XIRP2: variants seen among roughly 807,000 people sequenced by gnomAD.
XIRP2 encodes the protein xin actin-binding repeat-containing protein 2.
XIRP2 carries 236 observed loss-of-function variants against 277.0 expected under a neutral mutation model. That is an observed-to-expected ratio of 0.85 (90% CI 0.77 to 0.95). The LOEUF (loss-of-function observed/expected upper bound fraction) is 0.95. XIRP2 is among the 40% of genes least tolerant of loss of function. The probability of loss-of-function intolerance (pLI) is 0.00; values close to 1 mark genes in which losing one functional copy is unlikely to be tolerated. For synonymous variants in XIRP2, 1,490 were observed against 1,416.5 expected, an observed-to-expected ratio of 1.05 and a Z score of -1.17; for missense variants, 4,640 against 4,157.5, an observed-to-expected ratio of 1.12 and a Z score of -3.19.
At chr2:167,020,894 T>C (rs749045851) in intron 2 of XIRP2, among the ~76,000 whole-genome samples, 43 of 152,086 alleles carry the variant, frequency 2.8e-4, no homozygotes, top group African/African-American at 9.4e-4. Flanking sequence ...AAAGTCTTAC[T>C]TATTTCAAAA....
At chr2:166,903,934 C>T (rs1231028808) in intron 2 of XIRP2, 44 bp downstream of exon 2, 4 of 1,563,760 alleles carry the variant, frequency 2.6e-6, no homozygotes, top group African/African-American at 1.4e-5. Context: ...ATATGACTTC[C>T]TTGCCTAGCC....
intron 2 of XIRP2, among the ~76,000 whole-genome samples, chr2:167,023,481 T>C (rs556288571): frequency 1.3e-5 from 2 of 152,150 alleles, no homozygotes; most frequent in South Asian, 2.1e-4. Context: ...TTGTCAATTT[T>C]GTCTTTTGTT....
At chr2:167,214,938 G>A (rs1694199648) in intron 4 of XIRP2, among the ~76,000 whole-genome samples, 1 of 152,078 alleles carries the variant, frequency 6.6e-6, no homozygotes. Context: ...ATCTTTTTGT[G>A]AAAATGCATT....
intron 3 of XIRP2, among the ~76,000 whole-genome samples, chr2:167,180,159 T>A (rs1221494316): frequency 1.3e-5 from 2 of 152,210 alleles, no homozygotes; most frequent in Non-Finnish European, 2.9e-5. Context: ...ATTCATTACT[T>A]TTTAATCTTT....
intron 2 of XIRP2, among the ~76,000 whole-genome samples, chr2:167,020,529 T>C (rs1185165661): frequency 6.6e-6 from 1 of 152,012 alleles, no homozygotes; most frequent in East Asian, 1.9e-4. Flanking sequence ...TATCAAACTC[T>C]TCTATTCGTA....
At position 167,258,821 on chromosome 2, in the gene XIRP2, T is replaced by C; in HGVS notation, c.*1004T>C. ...GAAGTTAGAAAATACATCTAGAATC[T>C]CAGAGTTACTTGGTATATTTGAATC... On this transcript the variant is annotated 3_prime_UTR_variant, in exon 11 of 11. Coordinates refer to ENST00000409195, the MANE Select transcript of XIRP2 (RefSeq NM_152381.6). 1 of 1,613,140 alleles carries C rather than the reference T, an allele frequency of 6.2e-7. No individual in the cohort carries two copies. Among genetic ancestry groups the C allele is most frequent in the African/African-American group, 1.3e-5 (1 of 74,970 alleles).
intron 2 of XIRP2, among the ~76,000 whole-genome samples, chr2:167,072,778 G>C (rs1053403444): frequency 3.3e-5 from 5 of 152,150 alleles, no homozygotes; most frequent in Admixed American, 6.6e-5. Context: ...GTTTACATTA[G>C]ATTTTGCTAA....
At chr2:166,920,599 C>T (rs565250806) in intron 2 of XIRP2, among the ~76,000 whole-genome samples, 1 of 152,206 alleles carries the variant, frequency 6.6e-6, no homozygotes, top group South Asian at 2.1e-4. Flanking sequence ...CAGGATTTTC[C>T]CCTTTTCTTA....
intron 2 of XIRP2, among the ~76,000 whole-genome samples, chr2:166,930,362 C>G (rs1002241856): frequency 1.2e-4 from 18 of 152,038 alleles, no homozygotes; most frequent in African/African-American, 3.4e-4. Flanking sequence ...TCTGAAACAG[C>G]GTGTTAATGA....
At chr2:167,059,276 T>A (rs1291701693) in intron 2 of XIRP2, among the ~76,000 whole-genome samples, 1 of 150,992 alleles carries the variant, frequency 6.6e-6, no homozygotes, top group Non-Finnish European at 1.5e-5. Context: ...GCTATTTTTT[T>A]ATTTTTTTAT....
rs765058555 is a variant in XIRP2, at chr2:167,244,474, C to G, written c.3082C>G (p.Gln1028Glu). The G allele has an allele frequency of 2.5e-6, 4 of 1,613,656 alleles. No individual in the cohort carries two copies. In the South Asian group the frequency reaches 4.4e-5, roughly 18 times the overall value. ...GCTTTTTGAAACAAGGCCCATTGAC[C>G]AGTTTGATGAAAGCATTCATAAATT... ...RWLFETRPID[Q>E]FDESIHKFQI... The change falls in exon 9 of 11, where the codon CAG (glutamine) becomes GAG (glutamate). Residue 1028 changes from glutamine (Q) to glutamate (E), a missense_variant. Transcript: ENST00000409195.
intron 2 of XIRP2, among the ~76,000 whole-genome samples, chr2:166,935,410 G>C (rs1336817952): frequency 2.6e-5 from 4 of 152,060 alleles, no homozygotes; most frequent in Non-Finnish European, 4.4e-5. Flanking sequence ...TCTTACATTT[G>C]TTTTTGTTTT....
Position 167,258,878 on chromosome 2 carries a change from A to G in XIRP2, c.*1061A>G, listed in dbSNP as rs769556129. ...GACTTATTCGAGGAATGTACTAGCA[A>G]TGGCTCTGAAGAAACAGACTGACAG... On this transcript the variant is annotated 3_prime_UTR_variant, in exon 11 of 11. Coordinates refer to ENST00000409195, the MANE Select transcript of XIRP2 (RefSeq NM_152381.6). 2 of 1,613,160 alleles carry G rather than the reference A, an allele frequency of 1.2e-6. No homozygotes were observed. Among genetic ancestry groups the G allele is most frequent in the South Asian group, 2.2e-5 (2 of 91,078 alleles).
At chr2:167,256,156 T>C (rs1695648444) in intron 10 of XIRP2, among the ~76,000 whole-genome samples, 1 of 151,664 alleles carries the variant, frequency 6.6e-6, no homozygotes, top group Non-Finnish European at 1.5e-5. Context: ...CATGCTTTTT[T>C]GTATCAAGAA....
intron 10 of XIRP2, among the ~76,000 whole-genome samples, chr2:167,257,479 A>G (rs1695691549): frequency 6.6e-6 from 1 of 152,004 alleles, no homozygotes; most frequent in South Asian, 2.1e-4. Flanking sequence ...TCCAGTTAAC[A>G]AAGAAGCTCA....
intron 3 of XIRP2, among the ~76,000 whole-genome samples, chr2:167,177,599 G>A (rs1692883426): frequency 1.3e-5 from 2 of 152,138 alleles, no homozygotes; most frequent in South Asian, 4.1e-4. Context: ...AGAAAGATAA[G>A]TTTATATTTT....
intron 2 of XIRP2, among the ~76,000 whole-genome samples, chr2:167,005,441 T>G (rs1261404760): frequency 6.6e-6 from 1 of 151,842 alleles, no homozygotes; most frequent in Non-Finnish European, 1.5e-5. Flanking sequence ...AACTAAGATG[T>G]AAAGGGATTA....
At chr2:167,206,021 G>T (rs6432983) in intron 3 of XIRP2, among the ~76,000 whole-genome samples, 8,748 of 152,170 alleles carry the variant, frequency 0.057, 296 homozygotes, top group African/African-American at 0.093. Context: ...TCAGTAACCA[G>T]TAATTGGTTC....
At chr2:167,113,719 T>G (rs1690821895) in intron 2 of XIRP2, among the ~76,000 whole-genome samples, 1 of 152,166 alleles carries the variant, frequency 6.6e-6, no homozygotes, top group African/African-American at 2.4e-5. Flanking sequence ...GTTTGTGTGG[T>G]TATTTTATAG....
Sources: allele counts gnomAD v4.1 joint callset (sites outside exome capture counted in the v4.1 genomes callset), GRCh38; gene constraint gnomAD v4.1.1; transcripts MANE v1.5; gene names NCBI Gene and HGNC (gene_info 2026-07-23, HGNC 2026-07-21).